CENPF: variants seen among roughly 807,000 people sequenced by gnomAD.
CENPF encodes the protein centromere protein F, also known as AH antigen.
In CENPF, 214 loss-of-function variants were observed where a neutral mutation model predicts 307.3. The observed-to-expected ratio is 0.70, with a 90% CI of 0.62 to 0.78. CENPF has a LOEUF of 0.78. Among genes scored for constraint, CENPF ranks in the 30% least tolerant of loss-of-function variants. The pLI is 0.00. For synonymous variants in CENPF, 1,259 were observed against 1,270.6 expected (o/e 0.99, Z 0.19); for missense variants, 3,401 against 3,483.9 (o/e 0.98, Z 0.60).
Position 214,644,673 on chromosome 1 carries a change from C to T in CENPF, c.5103C>T (p.Asp1701=), listed in dbSNP as rs1658230341. 2 of 1,613,880 alleles carry T rather than the reference C, an allele frequency of 1.2e-6. No homozygotes were observed. The highest frequency in any genetic ancestry group is 1.7e-6 in the Non-Finnish European group (2 of 1,179,938). The change falls in exon 13 of 20, where the codon GAC becomes GAT. Residue 1701 remains aspartate, a synonymous_variant. Coordinates refer to ENST00000366955, the MANE Select transcript of CENPF (RefSeq NM_016343.4). ...TTTGTGATAAAGATGCTCAGCAGGA[C>T]CTCAATCTAGACATTGAGAAAATAA... ...HQICDKDAQQ[D]LNLDIEKITE...
intron 3 of CENPF, among the ~76,000 whole-genome samples, chr1:214,615,929 ATTC>A (rs916689364): frequency 7.2e-5 from 11 of 152,062 alleles, no homozygotes; most frequent in Admixed American, 7.2e-4. Context: ...GTTTTAAAAT[ATTC>A]TTCTTATCTA....
rs1197484264 is a variant in CENPF, at chr1:214,644,929, C to T, written c.5359C>T (p.Leu1787Phe). 5 of 1,613,648 alleles carry T rather than the reference C, an allele frequency of 3.1e-6. No homozygotes were observed. Among genetic ancestry groups the T allele is most frequent in the African/African-American group, 2.7e-5 (2 of 74,888 alleles). ...KETSNENLRLLHVIEDRDRKV... is the reference protein window; with the variant it reads ...KETSNENLRLFHVIEDRDRKV... ...GACATCAAATGAGAATTTGAGATTA[C>T]TTCATGTGATAGAGGACCGTGACAG... Residue 1787 changes from leucine to phenylalanine, a missense_variant, in exon 13 of 20, where the codon CTT (leucine) becomes TTT (phenylalanine). Physicochemically the swap from Leu to Phe is conservative, Grantham distance 22. Coordinates refer to ENST00000366955, the MANE Select transcript of CENPF (RefSeq NM_016343.4).
intron 14 of CENPF, 52 bp downstream of exon 14, chr1:214,648,879 A>T (rs1658385369): frequency 1.9e-6 from 3 of 1,561,828 alleles, no homozygotes; most frequent in Non-Finnish European, 2.6e-6. Flanking sequence ...CATTGTGCAC[A>T]CTCTCCTTAT....
rs1658135484 is a variant in CENPF, at chr1:214,642,081, G to A, written c.3743G>A (p.Ser1248Asn). ...ACAATTAGAGGAGATCTTGAAACCA[G>A]CAATTTGCAAGACATGCAGTCACAA... ...LQTIRGDLET[S>N]NLQDMQSQEI... Residue 1248 changes from serine to asparagine, a missense_variant, in exon 12 of 20, where the codon AGC (serine) becomes AAC (asparagine). Physicochemically the swap from Ser to Asn is conservative, Grantham distance 46. Transcript: ENST00000366955. The A allele has an allele frequency of 1.2e-6, 2 of 1,610,936 alleles. No homozygotes were observed. Among genetic ancestry groups the A allele is most frequent in the Admixed American group, 1.7e-5 (1 of 59,332 alleles).
In CENPF at chr1:214,641,137, C is replaced by T. The variant is rs928450333; in HGVS notation, c.2799C>T (p.Ser933=). Residue 933 remains serine, a synonymous_variant, in exon 12 of 20, where the codon AGC becomes AGT. Coordinates refer to ENST00000366955, the MANE Select transcript of CENPF (RefSeq NM_016343.4). ...CAGAGATTCAAGAATTAAAAAAGAG[C>T]AACCATCTACTTGAAGACTCTCTAA... ...EQAEIQELKK[S]NHLLEDSLKE... is the part of the protein sequence containing the mutation. The T allele has an allele frequency of 1.9e-6, 3 of 1,582,576 alleles. No individual in the cohort carries two copies. Among genetic ancestry groups the T allele is most frequent in the Non-Finnish European group, 2.6e-6 (3 of 1,172,280 alleles).
chr1:214,611,005 T>G (rs1008275747), intron 1 of CENPF, among the ~76,000 whole-genome samples: 1 of 152,226 alleles, frequency 6.6e-6, no homozygotes, highest in African/African-American at 2.4e-5. Context: ...GTGCGGCTTA[T>G]TTCTGGGCTC....
chr1:214,617,038 C>CTTCTTT (rs968023111), intron 3 of CENPF, among the ~76,000 whole-genome samples: 1 of 134,880 alleles, frequency 7.4e-6, no homozygotes, highest in African/African-American at 2.8e-5. Context: ...TTCTTTCTTT[C>CTTCTTT]TTCTTTTTCT....
At chr1:214,655,067 G>A (rs771332082) in intron 16 of CENPF, 174 bp from the exon 17 acceptor site, 5 of 416,206 alleles carry the variant, frequency 1.2e-5, no homozygotes, top group East Asian at 7.9e-5. Flanking sequence ...CAGTTGGGGG[G>A]ACTTAGGAAA....
chr1:214,648,549 G>T (rs976928477), intron 13 of CENPF, 126 bp from the exon 14 acceptor site: 60 of 1,038,594 alleles, frequency 5.8e-5, no homozygotes, highest in Non-Finnish European at 8.7e-5. Context: ...GTAAAGGCGG[G>T]ATTAGCCAGC....
rs773214288 is a variant in CENPF, at chr1:214,641,555, C to G, written c.3217C>G (p.Gln1073Glu). 21 of 1,522,358 alleles carry G rather than the reference C, an allele frequency of 1.4e-5. No individual in the cohort carries two copies. In the South Asian group the frequency reaches 2.8e-4, roughly 20 times the overall value. 94.3% of individuals were successfully genotyped at this position (1,522,358 alleles called of 1,614,324 possible). A position where few individuals can be genotyped will look rare whatever the true frequency, so the allele number is the denominator to read the frequency against. ...LCENRKNELE[Q>E]LKEAFAKEHQ... The stretch of plus-strand genomic sequence containing the variant: ...TGAAAATAGGAAAAATGAGTTGGAA[C>G]AGCTAAAGGAAGCATTTGCAAAGGA... Residue 1073 changes from glutamine to glutamate, a missense_variant, in exon 12 of 20, where the codon CAG (glutamine) becomes GAG (glutamate). Gln to Glu is a conservative substitution (Grantham distance 29, BLOSUM62 2). Coordinates refer to ENST00000366955, the MANE Select transcript of CENPF (RefSeq NM_016343.4).
In CENPF at chr1:214,641,157, C is replaced by T; in HGVS notation, c.2819C>T (p.Ser940Phe). 6.2e-7 allele frequency: 1 copy of T among 1,601,976 alleles called. No homozygotes were observed. The highest frequency in any genetic ancestry group is 8.5e-7 in the Non-Finnish European group (1 of 1,176,886). ...LKKSNHLLEDSLKELQLLSET... is the reference protein window; with the variant it reads ...LKKSNHLLEDFLKELQLLSET... ...AAGAGCAACCATCTACTTGAAGACTCTCTAAAGGAGCTACAACTTTTATCC... is the reference window on the plus strand; with the variant it reads ...AAGAGCAACCATCTACTTGAAGACTTTCTAAAGGAGCTACAACTTTTATCC... Residue 940 changes from serine to phenylalanine, a missense_variant, in exon 12 of 20, where the codon TCT (serine) becomes TTT (phenylalanine). Ser to Phe is a radical substitution (Grantham distance 155). Transcript: ENST00000366955.
rs140022466 is a variant in CENPF, at chr1:214,611,394, C to T, written c.-41-2320C>T. Among the ~76,000 whole-genome samples, 708 of 151,260 alleles carry T rather than the reference C, an allele frequency of 4.7e-3. 5 individuals carry two copies. The highest frequency in any genetic ancestry group is 0.016 in the African/African-American group (674 of 41,222). On this transcript the variant is annotated intron_variant, in intron 1 of 19. Coordinates refer to ENST00000366955, the MANE Select transcript of CENPF (RefSeq NM_016343.4). ...TCTTTTTTTTTTTGAGATGGAGTTT[C>T]GCTCTTTGTTGCCCAGGATGGAGTG...
chr1:214,631,687 A>T (rs1177572390), intron 9 of CENPF, among the ~76,000 whole-genome samples: 2 of 152,094 alleles, frequency 1.3e-5, no homozygotes, highest in African/African-American at 4.8e-5. Context: ...TTTAGTAGAG[A>T]CGAGGTTTCA....
At position 214,663,647 on chromosome 1, in the gene CENPF, CA is replaced by C. The variant is rs1658842465; in HGVS notation, c.9199del (p.Thr3067ArgfsTer22). The stretch of plus-strand genomic sequence containing the variant: ...CAGGCACCATCCTCCGAGAACCCAC[CA>C]CGAAATCCGTCCCAGTCAATAATCT... ...DSGTILREPT[T>X]KSVPVNNLPE... is the part of the protein sequence containing the mutation. On this transcript the variant is annotated frameshift_variant, in exon 20 of 20. Transcript: ENST00000366955. LOFTEE classifies it low-confidence loss of function (END_TRUNC). The C allele has an allele frequency of 1.9e-6, 3 of 1,613,998 alleles. No homozygotes were observed. The highest frequency in any genetic ancestry group is 2.7e-5 in the African/African-American group (2 of 74,892).
chr1:214,646,100 C>A lies in CENPF; in HGVS notation c.6530C>A (p.Ala2177Asp). 1.9e-6 allele frequency: 3 copies of A among 1,613,970 alleles called. No homozygotes were observed. The highest frequency in any genetic ancestry group is 2.5e-6 in the Non-Finnish European group (3 of 1,180,010). ...EENQELVILD[A>D]ENSKAEVETL... Reference sequence around the variant, plus strand: ...AACCAGGAGCTAGTGATTCTTGATGCCGAGAATTCCAAAGCAGAAGTAGAG... The same window carrying A: ...AACCAGGAGCTAGTGATTCTTGATGACGAGAATTCCAAAGCAGAAGTAGAG... The change falls in exon 13 of 20, where the codon GCC becomes GAC. Residue 2177 changes from alanine (A) to aspartate (D), a missense_variant. Coordinates refer to ENST00000366955, the MANE Select transcript of CENPF (RefSeq NM_016343.4).
intron 1 of CENPF, among the ~76,000 whole-genome samples, chr1:214,610,137 C>T (rs1657161675): frequency 6.6e-6 from 1 of 151,646 alleles, no homozygotes; most frequent in African/African-American, 2.4e-5. Context: ...GGATTACAGG[C>T]ATGAGCCACT....
chr1:214,619,536 G>C (rs1360036155), intron 5 of CENPF, among the ~76,000 whole-genome samples: 1 of 152,164 alleles, frequency 6.6e-6, no homozygotes, highest in African/African-American at 2.4e-5. Flanking sequence ...AGAATTAGTC[G>C]TGATGCTCCC....
chr1:214,605,861 A>G, intron 1 of CENPF: 5 of 1,597,042 alleles, frequency 3.1e-6, no homozygotes, highest in Non-Finnish European at 3.4e-6. Flanking sequence ...GCCGTGGATG[A>G]TGAGCACGGG....
In CENPF at chr1:214,658,947, A is replaced by G; in HGVS notation, c.9060A>G (p.Leu3020=). The change falls in exon 19 of 20, where the codon TTA becomes TTG. Residue 3020 remains leucine, a synonymous_variant. Transcript: ENST00000366955. ...RTSPRLAAQK[L]ALSPLSLGKE... ...GCCCCCGCCTGGCTGCACAGAAGTT[A>G]GCGCTATCCCCACTGAGTCTCGGCA... 1 of 1,614,142 alleles carries G rather than the reference A, an allele frequency of 6.2e-7. No individual in the cohort carries two copies. The highest frequency in any genetic ancestry group is 8.5e-7 in the Non-Finnish European group (1 of 1,180,002).
Sources: gnomAD v4.1 joint callset for allele counts (sites outside exome capture counted in the v4.1 genomes callset) on GRCh38, gnomAD v4.1.1 for gene constraint, MANE v1.5 for transcripts, NCBI Gene and HGNC (gene_info 2026-07-23, HGNC 2026-07-21) for gene names.